Variants in RBFOX1 observed in about 807,000 individuals in gnomAD.
The protein encoded by RBFOX1 is RNA binding fox-1 homolog 1, also known as RNA binding protein fox-1 homolog 1.
A neutral mutation model predicts 57.7 loss-of-function variants in RBFOX1; 8 were observed. The ratio of observed to expected loss-of-function variants is 0.14; its 90% CI spans 0.08 to 0.25. The LOEUF is 0.25. Among genes scored for constraint, RBFOX1 ranks in the 10% least tolerant of loss-of-function variants. The probability of loss-of-function intolerance (pLI) is 1.00; values close to 1 mark genes in which losing one functional copy is unlikely to be tolerated. For synonymous variants in RBFOX1, 326 were observed against 222.4 expected (o/e 1.47, Z -4.15); for missense variants, 611 against 548.5 (o/e 1.11, Z -1.14).
At chr16:5,832,016 G>C (rs1056682288) in intron 3 of RBFOX1, among the ~76,000 whole-genome samples, 12 of 152,164 alleles carry the variant, frequency 7.9e-5, no homozygotes, top group African/African-American at 2.9e-4. Flanking sequence ...GGGAAGGTAT[G>C]TCTGTCTGGT....
At chr16:6,380,615 G>T (rs1005827410) in intron 2 of RBFOX1, among the ~76,000 whole-genome samples, 1 of 151,682 alleles carries the variant, frequency 6.6e-6, no homozygotes, top group African/African-American at 2.4e-5. Context: ...AGCATACTTA[G>T]GATATGTCTT....
chr16:6,529,455 A>C (rs576204343), intron 2 of RBFOX1, among the ~76,000 whole-genome samples: 1 of 152,030 alleles, frequency 6.6e-6, no homozygotes, highest in Non-Finnish European at 1.5e-5. Flanking sequence ...GCTACTTGGG[A>C]GACTGAAGCA....
chr16:5,264,431 C>T (rs1384312042), intron 1 of RBFOX1, among the ~76,000 whole-genome samples: 2 of 151,942 alleles, frequency 1.3e-5, no homozygotes, highest in African/African-American at 2.4e-5. Flanking sequence ...GTTCTTTGGA[C>T]CGTCTGTATA....
chr16:7,693,704 G>A (rs752759992), intron 14 of RBFOX1, among the ~76,000 whole-genome samples: 10 of 152,124 alleles, frequency 6.6e-5, no homozygotes, highest in South Asian at 4.1e-4. Flanking sequence ...GTACACAGAC[G>A]TATGACTTCC....
intron 4 of RBFOX1, among the ~76,000 whole-genome samples, chr16:7,112,623 A>G (rs909697640): frequency 1.3e-5 from 2 of 151,228 alleles, no homozygotes; most frequent in African/African-American, 4.8e-5. Flanking sequence ...CTGAGGCTGA[A>G]AATTTAAGGT....
intron 3 of RBFOX1, among the ~76,000 whole-genome samples, chr16:5,654,431 A>G (rs2049354632): frequency 1.3e-5 from 2 of 152,070 alleles, no homozygotes; most frequent in African/African-American, 4.8e-5. Context: ...CCCCCAACCT[A>G]AAGTCCATAC....
rs1053770659 is a variant in RBFOX1 at position 5,342,844 on chromosome 16, C to G, written c.219+102739C>G. ...TTACTATGGACATGTGACTGTTTTT[C>G]CGCATCTCTTTCCCTATTGTACAGC... On this transcript the variant is annotated intron_variant, in intron 1 of 2. Transcript: ENST00000585867. Among the ~76,000 whole-genome samples the G allele has an allele frequency of 5.9e-5, 9 of 152,266 alleles. No homozygotes were observed. The South Asian group carries it at 1.7e-3, about 28-fold the overall frequency.
intron 14 of RBFOX1, among the ~76,000 whole-genome samples, chr16:7,700,837 G>A (rs1346741263): frequency 2.0e-5 from 3 of 151,934 alleles, no homozygotes; most frequent in African/African-American, 7.2e-5. Flanking sequence ...TTTCAGAATA[G>A]GAAGAGGTTT....
intron 3 of RBFOX1, among the ~76,000 whole-genome samples, chr16:6,774,494 G>C (rs376606678): frequency 3.5e-4 from 54 of 152,264 alleles, no homozygotes; most frequent in African/African-American, 1.2e-3. Context: ...TACCAAGCAT[G>C]AATTCTGATA....
intron 2 of RBFOX1, among the ~76,000 whole-genome samples, chr16:6,620,423 C>G (rs571838518): frequency 6.6e-6 from 1 of 152,080 alleles, no homozygotes; most frequent in African/African-American, 2.4e-5. Context: ...AAGTTAACAA[C>G]ACAATTAAAA....
At chr16:5,810,245 C>T (rs961018073) in intron 3 of RBFOX1, among the ~76,000 whole-genome samples, 3 of 151,922 alleles carry the variant, frequency 2.0e-5, no homozygotes, top group Admixed American at 1.3e-4. Context: ...TTAATGGGTG[C>T]AGCACACCAG....
At chr16:6,242,083 C>G (rs2097542734) in intron 1 of RBFOX1, among the ~76,000 whole-genome samples, 1 of 152,120 alleles carries the variant, frequency 6.6e-6, no homozygotes, top group Non-Finnish European at 1.5e-5. Context: ...ATGCACCTCC[C>G]AAAGGTGGTT....
chr16:5,863,329 C>T (rs555317320), intron 3 of RBFOX1, among the ~76,000 whole-genome samples: 3 of 152,314 alleles, frequency 2.0e-5, no homozygotes, highest in African/African-American at 4.8e-5. Context: ...TTGCACCCTG[C>T]GCTGGTCCAC....
chr16:7,490,311 G>C (rs985506464), intron 4 of RBFOX1, among the ~76,000 whole-genome samples: 2 of 152,212 alleles, frequency 1.3e-5, no homozygotes, highest in African/African-American at 4.8e-5. Context: ...GGAGCTGCTA[G>C]CTCTGCTAGA....
intron 3 of RBFOX1, among the ~76,000 whole-genome samples, chr16:5,670,505 C>T (rs2049984272): frequency 6.6e-6 from 1 of 152,114 alleles, no homozygotes; most frequent in Non-Finnish European, 1.5e-5. Flanking sequence ...GGAACATATG[C>T]CTTTGTCTCT....
intron 9 of RBFOX1, among the ~76,000 whole-genome samples, chr16:7,602,112 G>A (rs892262971): frequency 2.0e-5 from 3 of 152,202 alleles, no homozygotes; most frequent in African/African-American, 7.2e-5. Flanking sequence ...AAAGCCTTAA[G>A]AGAAAGCCTG....
intron 3 of RBFOX1, among the ~76,000 whole-genome samples, chr16:6,813,573 T>C: frequency 6.6e-6 from 1 of 152,178 alleles, no homozygotes; most frequent in East Asian, 1.9e-4. Flanking sequence ...AGTGTCTCTT[T>C]CATCTTCTGC....
intron 1 of RBFOX1, among the ~76,000 whole-genome samples, chr16:6,193,106 C>T (rs2097152279): frequency 6.6e-6 from 1 of 151,748 alleles, no homozygotes; most frequent in African/African-American, 2.4e-5. Context: ...CTCTGTAATA[C>T]ATTTAGTGAT....
chr16:6,014,566 G>T (rs572538490), upstream of RBFOX1, among the ~76,000 whole-genome samples: 1 of 152,268 alleles, frequency 6.6e-6, no homozygotes, highest in East Asian at 1.9e-4. Context: ...TGTGCCCAAG[G>T]ACTGAGGGGG....
Sources: gnomAD v4.1 joint callset for allele counts (sites outside exome capture counted in the v4.1 genomes callset) on GRCh38, gnomAD v4.1.1 for gene constraint, MANE v1.5 for transcripts, NCBI Gene and HGNC (gene_info 2026-07-23, HGNC 2026-07-21) for gene names.